The following UBE2V1 variants were observed in gnomAD, a reference collection of about 807,000 sequenced individuals.
UBE2V1 encodes ubiquitin conjugating enzyme E2 V1.
In UBE2V1, 15 loss-of-function variants were observed where a neutral mutation model predicts 19.6. The observed-to-expected ratio is 0.77, with a 90% CI of 0.51 to 1.18. UBE2V1 has a LOEUF of 1.18. Ranked by LOEUF, UBE2V1 falls within the 50% of genes most tolerant of loss-of-function variation. UBE2V1 has a pLI of 0.00. For synonymous variants in UBE2V1, 60 were observed against 60.7 expected (o/e 0.99, Z 0.05); for missense variants, 125 against 184.8 (o/e 0.68, Z 1.88).
chr20:50,111,512 G>A, intron 1 of UBE2V1: 1 of 1,000,298 alleles, frequency 1.0e-6, no homozygotes, highest in Non-Finnish European at 1.2e-6. Context: ...TCTCTTCTGG[G>A]AGTGCCTGGG....
chr20:50,094,016 T>G, intron 2 of UBE2V1, among the ~76,000 whole-genome samples: 1 of 101,446 alleles, frequency 9.9e-6, no homozygotes, highest in South Asian at 2.9e-4. Flanking sequence ...AAAAAAATAA[T>G]AATAATAATA....
chr20:50,087,804 T>C (rs889974937), intron 2 of UBE2V1, among the ~76,000 whole-genome samples: 1 of 152,186 alleles, frequency 6.6e-6, no homozygotes, highest in Non-Finnish European at 1.5e-5. Context: ...AGGGACTATA[T>C]GAACATGGCA....
At chr20:50,110,085 C>T (rs1264994524) in intron 1 of UBE2V1, among the ~76,000 whole-genome samples, 2 of 152,206 alleles carry the variant, frequency 1.3e-5, no homozygotes, top group East Asian at 3.9e-4. Flanking sequence ...CCGATGTATG[C>T]AAATTTAAAA....
chr20:50,115,472 A>T, upstream of UBE2V1: 1 of 1,560,124 alleles, frequency 6.4e-7, no homozygotes, highest in Non-Finnish European at 8.7e-7. Flanking sequence ...TTGGGTTCCT[A>T]AGGTGGACTC....
intron 2 of UBE2V1, among the ~76,000 whole-genome samples, chr20:50,093,722 T>C (rs2079378523): frequency 6.6e-6 from 1 of 152,000 alleles, no homozygotes; most frequent in Non-Finnish European, 1.5e-5. Flanking sequence ...CAGGGCGCGA[T>C]GGCTCACACC....
upstream of UBE2V1, among the ~76,000 whole-genome samples, chr20:50,114,598 C>T (rs2080952200): frequency 6.6e-6 from 1 of 152,100 alleles, no homozygotes; most frequent in South Asian, 2.1e-4. Context: ...ATAATCTCAC[C>T]AGGACAAGTG....
intron 1 of UBE2V1, among the ~76,000 whole-genome samples, chr20:50,100,784 A>G (rs111543349): frequency 4.6e-4 from 70 of 152,332 alleles, no homozygotes; most frequent in African/African-American, 1.6e-3. Context: ...TAGTAGGACT[A>G]TTCCTCTTGC....
intron 3 of UBE2V1, among the ~76,000 whole-genome samples, chr20:50,083,251 G>A (rs562737702): frequency 1.6e-3 from 250 of 152,324 alleles, no homozygotes; most frequent in Admixed American, 3.9e-3. Context: ...TCTTCACTGC[G>A]CCCAGGTCAG....
intron 2 of UBE2V1, among the ~76,000 whole-genome samples, chr20:50,089,418 G>C (rs1340354484): frequency 6.6e-6 from 1 of 152,202 alleles, no homozygotes; most frequent in Admixed American, 6.5e-5. Context: ...GCTGTTACCA[G>C]GGTGGTACAG....
chr20:50,082,073 C>T lies in UBE2V1; in HGVS notation c.*695G>A. ...TGAGGAGGAGGGAGAAAAAGCAGCA[C>T]CCCTCGATAAAGGTGGGGGAGAGAA... is the stretch of plus-strand genomic sequence containing the variant. On this transcript the variant is annotated 3_prime_UTR_variant, in exon 4 of 4. Transcript: ENST00000371674. 5.4e-6 allele frequency: 1 copy of T among 185,008 alleles called. No homozygotes were observed. Among genetic ancestry groups the T allele is most frequent in the Non-Finnish European group, 1.1e-5 (1 of 89,578 alleles). 11.5% of individuals were successfully genotyped at this position (185,008 alleles called of 1,614,324 possible). A position where few individuals can be genotyped will look rare whatever the true frequency, so the allele number is the denominator to read the frequency against.
At chr20:50,102,753 C>T (rs1301222739) in intron 1 of UBE2V1, among the ~76,000 whole-genome samples, 4 of 152,172 alleles carry the variant, frequency 2.6e-5, no homozygotes, top group Non-Finnish European at 4.4e-5. Flanking sequence ...TACTCTTGGC[C>T]TCCCGTTGCA....
upstream of UBE2V1, chr20:50,115,603 T>C: frequency 1.4e-6 from 2 of 1,465,120 alleles, no homozygotes; most frequent in East Asian, 2.6e-5. Context: ...AGGATAGTAG[T>C]ATCAACCTCA....
At chr20:50,097,819 A>G (rs2079727679) in intron 1 of UBE2V1, among the ~76,000 whole-genome samples, 1 of 152,238 alleles carries the variant, frequency 6.6e-6, no homozygotes. Flanking sequence ...GACTGTGAAG[A>G]GAGGCTCACT....
rs1369437294 is a variant in UBE2V1, at chr20:50,082,679, C to T, written c.*89G>A. ...TTCCGGTACTTTGAGGTCTACAAGA[C>T]GTATCTAGAAAATTTACTACTGTGG... On this transcript the variant is annotated 3_prime_UTR_variant, in exon 4 of 4. Coordinates refer to ENST00000371674, the MANE Select transcript of UBE2V1 (RefSeq NM_001032288.3). 21 of 1,547,730 alleles carry T rather than the reference C, an allele frequency of 1.4e-5. 1 individual carries two copies. The highest frequency in any genetic ancestry group is 2.4e-4 in the Middle Eastern group (1 of 4,190).
intron 1 of UBE2V1, among the ~76,000 whole-genome samples, chr20:50,112,608 CTCAAGT>C (rs2080833471): frequency 6.6e-6 from 1 of 152,208 alleles, no homozygotes; most frequent in Non-Finnish European, 1.5e-5. Context: ...AGGGGATCCT[CTCAAGT>C]CACCCCCTCA....
At chr20:50,094,268 TAATA>T (rs1381966947) in intron 2 of UBE2V1, among the ~76,000 whole-genome samples, 1 of 139,196 alleles carries the variant, frequency 7.2e-6, no homozygotes, top group African/African-American at 2.6e-5. Context: ...ATGCATTATA[TAATA>T]TATAATGCAT....
At chr20:50,107,761 G>A (rs2080483204) in intron 1 of UBE2V1, among the ~76,000 whole-genome samples, 1 of 152,220 alleles carries the variant, frequency 6.6e-6, no homozygotes, top group African/African-American at 2.4e-5. Context: ...GTCCAGAACT[G>A]TGCTGGTGCT....
chr20:50,087,177 C>T (rs1191020743), intron 2 of UBE2V1, among the ~76,000 whole-genome samples: 1 of 152,016 alleles, frequency 6.6e-6, no homozygotes, highest in African/African-American at 2.4e-5. Context: ...GGGTGGATAA[C>T]CTGAGGTCAG....
At chr20:50,084,335 C>A in intron 2 of UBE2V1, 81 bp from the exon 3 acceptor site, 2 of 1,604,006 alleles carry the variant, frequency 1.2e-6, no homozygotes, top group Non-Finnish European at 1.7e-6. Context: ...CCCCATTTAT[C>A]CCTGACTGTA....
Sources: gnomAD v4.1 joint callset for allele counts (sites outside exome capture counted in the v4.1 genomes callset) on GRCh38, gnomAD v4.1.1 for gene constraint, MANE v1.5 for transcripts, NCBI Gene and HGNC (gene_info 2026-07-23, HGNC 2026-07-21) for gene names.